The following NRG1 variants were observed in gnomAD, a reference collection of about 807,000 sequenced individuals.
NRG1 encodes the protein pro-neuregulin-1, membrane-bound isoform.
NRG1 carries 18 observed loss-of-function variants against 63.8 expected under a neutral mutation model. That is an observed-to-expected ratio of 0.28 (90% CI 0.19 to 0.42). The LOEUF is 0.42. Among genes scored for constraint, NRG1 ranks in the 10% least tolerant of loss-of-function variants. NRG1 has a pLI of 1.00. For synonymous variants in NRG1, 302 were observed against 301.3 expected, an observed-to-expected ratio of 1.00 and a Z score of -0.02; for missense variants, 762 against 814.7, an observed-to-expected ratio of 0.94 and a Z score of 0.79.
intron 1 of NRG1, among the ~76,000 whole-genome samples, chr8:32,355,432 C>T (rs1239368389): frequency 6.6e-6 from 1 of 152,018 alleles, no homozygotes; most frequent in Non-Finnish European, 1.5e-5. Flanking sequence ...GCACTCCAGC[C>T]TGGGTGACAG....
chr8:32,595,065 G>A (rs1053304078), intron 1 of NRG1, among the ~76,000 whole-genome samples: 2 of 152,138 alleles, frequency 1.3e-5, no homozygotes, highest in Non-Finnish European at 2.9e-5. Flanking sequence ...TAAACTTCCC[G>A]ATTTTAAAAA....
intron 1 of NRG1, among the ~76,000 whole-genome samples, chr8:31,902,451 A>T (rs1832165119): frequency 1.3e-5 from 2 of 152,180 alleles, no homozygotes; most frequent in African/African-American, 4.8e-5. Context: ...AGTAATCAAT[A>T]ATTATTTCTG....
intron 1 of NRG1, among the ~76,000 whole-genome samples, chr8:31,872,268 G>A (rs958421795): frequency 1.3e-5 from 2 of 152,158 alleles, no homozygotes; most frequent in Admixed American, 6.5e-5. Context: ...CCCTCTTTAA[G>A]AGGGGACTCT....
At chr8:32,517,728 A>C (rs936720369) in intron 1 of NRG1, among the ~76,000 whole-genome samples, 14 of 152,148 alleles carry the variant, frequency 9.2e-5, no homozygotes, top group African/African-American at 3.1e-4. Flanking sequence ...AAATAATGAA[A>C]TGCTATTTAT....
Position 32,728,088 on chromosome 8 carries a change from G to T in NRG1, c.632+10G>T. 2 of 1,613,842 alleles carry T rather than the reference G, an allele frequency of 1.2e-6. No homozygotes were observed. Among genetic ancestry groups the T allele is most frequent in the Non-Finnish European group, 1.7e-6 (2 of 1,179,824 alleles). On this transcript the variant is annotated intron_variant, in intron 6 of 11. Coordinates refer to ENST00000356819, the Ensembl canonical transcript of NRG1. ...CGAGATACTTGTGCAAGTAAGAAAAGAAATCCTGTGTGTCGCTTATGTCTA... is the reference window on the plus strand; with the variant it reads ...CGAGATACTTGTGCAAGTAAGAAAATAAATCCTGTGTGTCGCTTATGTCTA...
chr8:32,142,069 C>G (rs1328591725), intron 1 of NRG1, among the ~76,000 whole-genome samples: 1 of 152,102 alleles, frequency 6.6e-6, no homozygotes, highest in African/African-American at 2.4e-5. Flanking sequence ...ATTTGCACTG[C>G]ATGAAAACAA....
rs115053247 is a variant in NRG1, at chr8:32,013,926, G to A, written c.37+374495G>A. 7.4e-3 allele frequency among the ~76,000 whole-genome samples: 1,124 copies of A among 152,240 alleles called. 17 individuals carry two copies. Among genetic ancestry groups the A allele is most frequent in the African/African-American group, 0.026 (1,078 of 41,550 alleles). On this transcript the variant is annotated intron_variant, in intron 1 of 10. Transcript: ENST00000519301. ...CATTGTACATAAAAGGAAAAAAGCT[G>A]TGTCTTCACCAACTCAAAATAGGAA...
intron 1 of NRG1, among the ~76,000 whole-genome samples, chr8:32,202,791 A>ACTGCTCTG (rs1485321792): frequency 2.0e-5 from 3 of 151,002 alleles, no homozygotes; most frequent in Non-Finnish European, 2.9e-5. Context: ...CCTCTGCTGC[A>ACTGCTCTG]CTGCTCTGCT....
At chr8:31,933,964 G>C (rs35479967) in intron 1 of NRG1, among the ~76,000 whole-genome samples, 12,492 of 152,020 alleles carry the variant, frequency 0.082, 607 homozygotes, top group Admixed American at 0.14. Flanking sequence ...AGCTAAGCCT[G>C]ATCACTAGAA....
chr8:32,471,268 A>G (rs979410118), intron 1 of NRG1, among the ~76,000 whole-genome samples: 2 of 152,206 alleles, frequency 1.3e-5, no homozygotes, highest in Admixed American at 6.5e-5. Flanking sequence ...CTTTATCTAT[A>G]TGGCATAGTG....
chr8:32,312,658 G>A (rs1312843294), intron 1 of NRG1, among the ~76,000 whole-genome samples: 1 of 151,922 alleles, frequency 6.6e-6, no homozygotes, highest in South Asian at 2.1e-4. Flanking sequence ...GCTCCGTTAG[G>A]ACTGCCTCCC....
At chr8:32,188,817 G>T (rs550694631) in intron 1 of NRG1, among the ~76,000 whole-genome samples, 82 of 151,984 alleles carry the variant, frequency 5.4e-4, no homozygotes, top group Non-Finnish European at 9.7e-4. Context: ...GTTGTGGGGT[G>T]GGGGGAGGAG....
intron 1 of NRG1, among the ~76,000 whole-genome samples, chr8:32,117,619 T>A (rs1470024593): frequency 6.6e-6 from 1 of 152,146 alleles, no homozygotes; most frequent in Non-Finnish European, 1.5e-5. Context: ...CAGAAAGTTA[T>A]AGCTAGTGAT....
At chr8:32,765,452 A>G (rs985906656) in exon 12 of NRG1, 4 of 152,224 alleles carry the variant, frequency 2.6e-5, no homozygotes, top group Admixed American at 6.5e-5. Context: ...ATGACTTGTC[A>G]TCATAGGGAA....
chr8:32,412,060 G>A (rs967873637), intron 1 of NRG1, among the ~76,000 whole-genome samples: 20 of 152,136 alleles, frequency 1.3e-4, no homozygotes, highest in Non-Finnish European at 1.0e-4. Flanking sequence ...AAGCAGATTC[G>A]TCTCCCCTAT....
At chr8:31,823,418 A>C (rs550325969) in intron 1 of NRG1, among the ~76,000 whole-genome samples, 1 of 152,138 alleles carries the variant, frequency 6.6e-6, no homozygotes, top group Non-Finnish European at 1.5e-5. Flanking sequence ...TATAGTTCAC[A>C]CAATTCAGGC....
At chr8:32,741,967 T>C (rs1826406140) in intron 6 of NRG1, 41 bp from the exon 7 acceptor site, 1 of 1,544,364 alleles carries the variant, frequency 6.5e-7, no homozygotes, top group South Asian at 1.1e-5. Context: ...GCTCAGTGTC[T>C]TTAGCATTTT....
At chr8:32,699,234 A>G (rs1304057444) in intron 5 of NRG1, among the ~76,000 whole-genome samples, 4 of 151,904 alleles carry the variant, frequency 2.6e-5, no homozygotes, top group Non-Finnish European at 5.9e-5. Context: ...GATAAAAACT[A>G]ACCATGCAAC....
At chr8:32,204,302 T>C (rs1284485057) in intron 1 of NRG1, among the ~76,000 whole-genome samples, 1 of 152,200 alleles carries the variant, frequency 6.6e-6, no homozygotes. Flanking sequence ...TGACATGATC[T>C]GACTTCTTTT....
Sources: gnomAD v4.1 joint callset for allele counts (sites outside exome capture counted in the v4.1 genomes callset) on GRCh38, gnomAD v4.1.1 for gene constraint, MANE v1.5 for transcripts, NCBI Gene and HGNC (gene_info 2026-07-23, HGNC 2026-07-21) for gene names.